UGT1A10: variants seen among roughly 807,000 people sequenced by gnomAD.
UGT1A10 encodes UDP-glucuronosyltransferase 1A10.
A neutral mutation model predicts 45.8 loss-of-function variants in UGT1A10; 49 were observed. The observed-to-expected ratio is 1.07, with a 90% CI of 0.85 to 1.36. The LOEUF is 1.36. UGT1A10 is among the 40% of genes most tolerant of loss of function. The pLI is 0.00. For synonymous variants in UGT1A10, 284 were observed against 249.7 expected (o/e 1.14, Z -1.29); for missense variants, 745 against 668.6 (o/e 1.11, Z -1.26).
intron 1 of UGT1A10, among the ~76,000 whole-genome samples, chr2:233,649,380 G>A (rs2073683632): frequency 6.6e-6 from 1 of 152,066 alleles, no homozygotes; most frequent in Non-Finnish European, 1.5e-5. Context: ...TTTTGGAAAA[G>A]TATTTAAAAG....
chr2:233,732,066 G>A (rs1295393018), intron 1 of UGT1A10, among the ~76,000 whole-genome samples: 2 of 152,128 alleles, frequency 1.3e-5, no homozygotes, highest in African/African-American at 4.8e-5. Flanking sequence ...TGTGTCTGTT[G>A]GCTGCATAAA....
At chr2:233,688,603 A>G (rs111635928) in intron 1 of UGT1A10, among the ~76,000 whole-genome samples, 1 of 152,192 alleles carries the variant, frequency 6.6e-6, no homozygotes, top group Non-Finnish European at 1.5e-5. Flanking sequence ...TTACAGAATA[A>G]CACCCTCAGC....
At chr2:233,680,095 A>ATCT (rs1184661454) in intron 1 of UGT1A10, among the ~76,000 whole-genome samples, 38 of 152,088 alleles carry the variant, frequency 2.5e-4, no homozygotes, top group Non-Finnish European at 5.0e-4. Flanking sequence ...ATGGCAGGCA[A>ATCT]TCATAGCGGC....
chr2:233,641,183 C>T (rs1337456525), intron 1 of UGT1A10, among the ~76,000 whole-genome samples: 1 of 152,136 alleles, frequency 6.6e-6, no homozygotes, highest in Non-Finnish European at 1.5e-5. Context: ...AACATATTTT[C>T]CTACTTTCTC....
chr2:233,676,513 C>T (rs2125509666), intron 1 of UGT1A10, among the ~76,000 whole-genome samples: 1 of 152,268 alleles, frequency 6.6e-6, no homozygotes, highest in African/African-American at 2.4e-5. Flanking sequence ...AAGTCTGTTT[C>T]CTTCAGATTT....
At chr2:233,725,087 T>C (rs1168031372) in intron 1 of UGT1A10, among the ~76,000 whole-genome samples, 1 of 144,724 alleles carries the variant, frequency 6.9e-6, no homozygotes, top group Non-Finnish European at 1.5e-5. Flanking sequence ...CTCGGCAGGC[T>C]GAGGCAGGAG....
intron 1 of UGT1A10, chr2:233,718,781 G>A (rs767988524): frequency 3.7e-6 from 6 of 1,612,904 alleles, no homozygotes; most frequent in Non-Finnish European, 4.2e-6. Flanking sequence ...AGCAGGCACA[G>A]CGTGGGGTGG....
chr2:233,695,179 G>A (rs2075270540), intron 1 of UGT1A10, among the ~76,000 whole-genome samples: 1 of 147,376 alleles, frequency 6.8e-6, no homozygotes, highest in Non-Finnish European at 1.5e-5. Flanking sequence ...AGGCTGGAGT[G>A]CAGTGGTGCG....
rs774552419 is a variant in UGT1A10 at position 233,767,911 on chromosome 2, G to A, written c.1050G>A (p.Lys350=). ...SNLANNTILV[K]WLPQNDLLGH... is the part of the protein sequence containing the mutation. Reference sequence around the variant, plus strand: ...TTGCGAACAACACGATACTTGTTAAGTGGCTACCCCAAAACGATCTGCTTG... The same window carrying A: ...TTGCGAACAACACGATACTTGTTAAATGGCTACCCCAAAACGATCTGCTTG... The change falls in exon 3 of 5, where the codon AAG becomes AAA. Residue 350 remains lysine (K), a synonymous_variant. Coordinates refer to ENST00000344644, the MANE Select transcript of UGT1A10 (RefSeq NM_019075.4). 13 of 1,614,068 alleles carry A rather than the reference G, an allele frequency of 8.1e-6. No homozygotes were observed. The highest frequency in any genetic ancestry group is 1.3e-5 in the African/African-American group (1 of 74,916).
chr2:233,710,141 G>C (rs1559356797), intron 1 of UGT1A10, among the ~76,000 whole-genome samples: 1 of 152,156 alleles, frequency 6.6e-6, no homozygotes, highest in Non-Finnish European at 1.5e-5. Context: ...TCATTGTATA[G>C]ATATATCATC....
intron 1 of UGT1A10, among the ~76,000 whole-genome samples, chr2:233,646,639 G>C (rs1185693640): frequency 1.3e-5 from 2 of 152,160 alleles, no homozygotes; most frequent in African/African-American, 2.4e-5. Flanking sequence ...AACATAACAA[G>C]AGTCACCTTT....
At chr2:233,696,081 T>C (rs1265342336) in intron 1 of UGT1A10, among the ~76,000 whole-genome samples, 2 of 152,144 alleles carry the variant, frequency 1.3e-5, no homozygotes, top group East Asian at 3.8e-4. Context: ...AAGAACAGTA[T>C]GGAGAGTCTT....
At chr2:233,700,675 C>T (rs999893991) in intron 1 of UGT1A10, among the ~76,000 whole-genome samples, 6 of 151,936 alleles carry the variant, frequency 3.9e-5, no homozygotes, top group East Asian at 1.9e-4. Context: ...AGCACAAATT[C>T]GTGATAATAT....
At chr2:233,732,108 C>T (rs1321461905) in intron 1 of UGT1A10, among the ~76,000 whole-genome samples, 1 of 150,998 alleles carries the variant, frequency 6.6e-6, no homozygotes, top group Non-Finnish European at 1.5e-5. Context: ...TGTTCATATC[C>T]TTTGCCCACT....
At chr2:233,747,916 C>A in intron 1 of UGT1A10, 1 of 1,613,518 alleles carries the variant, frequency 6.2e-7, no homozygotes, top group South Asian at 1.1e-5. Context: ...GCAAGCCTTG[C>A]CTCTGAGCTT....
chr2:233,714,180 C>T (rs1425005373), intron 1 of UGT1A10, among the ~76,000 whole-genome samples: 1 of 152,158 alleles, frequency 6.6e-6, no homozygotes, highest in Non-Finnish European at 1.5e-5. Flanking sequence ...TGGGCAGGAG[C>T]AGGGACACTA....
chr2:233,732,685 AC>A (rs1163255557), intron 1 of UGT1A10, among the ~76,000 whole-genome samples: 1 of 150,632 alleles, frequency 6.6e-6, no homozygotes, highest in African/African-American at 2.4e-5. Context: ...TGGTACCAGC[AC>A]CCATGCTGTT....
intron 1 of UGT1A10, among the ~76,000 whole-genome samples, chr2:233,738,283 A>G (rs1177396834): frequency 6.6e-6 from 1 of 152,176 alleles, no homozygotes; most frequent in African/African-American, 2.4e-5. Context: ...TTTATAAATT[A>G]CCCAGTCTTG....
chr2:233,644,143 C>T (rs185850134), intron 1 of UGT1A10, among the ~76,000 whole-genome samples: 2 of 152,316 alleles, frequency 1.3e-5, no homozygotes, highest in East Asian at 3.9e-4. Context: ...GAGTTGCAAT[C>T]TTTATGGACT....
Sources: gnomAD v4.1 joint callset for allele counts (sites outside exome capture counted in the v4.1 genomes callset) on GRCh38, gnomAD v4.1.1 for gene constraint, MANE v1.5 for transcripts, NCBI Gene and HGNC (gene_info 2026-07-23, HGNC 2026-07-21) for gene names.